KCNIP1: variants seen among roughly 807,000 people sequenced by gnomAD.
KCNIP1 encodes A-type potassium channel modulatory protein KCNIP1.
KCNIP1 carries 18 observed loss-of-function variants against 33.0 expected under a neutral mutation model. The ratio of observed to expected loss-of-function variants is 0.55; its 90% confidence interval spans 0.38 to 0.81. The LOEUF (loss-of-function observed/expected upper bound fraction) is 0.81, where lower values mean the gene tolerates loss of function less well. Among genes scored for constraint, KCNIP1 ranks in the 30% least tolerant of loss-of-function variants. The pLI, the probability that KCNIP1 is intolerant of heterozygous loss-of-function variation, is 0.00. For missense variants in KCNIP1, 238 were observed against 271.6 expected, an observed-to-expected ratio of 0.88 and a Z score of 0.87; for synonymous variants, 93 against 98.3, an observed-to-expected ratio of 0.95 and a Z score of 0.32.
intron 1 of KCNIP1, among the ~76,000 whole-genome samples, chr5:170,603,411 C>T (rs139282542): frequency 1.5e-3 from 227 of 152,320 alleles, no homozygotes; most frequent in African/African-American, 5.2e-3. Flanking sequence ...TTTCCATTAA[C>T]GGATTTACTG....
chr5:170,403,320 C>G (rs1318310580), intron 1 of KCNIP1, among the ~76,000 whole-genome samples: 1 of 152,196 alleles, frequency 6.6e-6, no homozygotes, highest in East Asian at 1.9e-4. Flanking sequence ...AGGAAAGATT[C>G]AAGAGCAGAG....
At chr5:170,368,248 T>TTTTGTTTGTTTGTTTG (rs59715597) in intron 1 of KCNIP1, among the ~76,000 whole-genome samples, 1 of 151,442 alleles carries the variant, frequency 6.6e-6, no homozygotes, top group Non-Finnish European at 1.5e-5. Flanking sequence ...TTTTTAAAGT[T>TTTTGTTTGTTTGTTTG]TTTGTTTGTT....
intron 1 of KCNIP1, among the ~76,000 whole-genome samples, chr5:170,444,648 A>G (rs1389481543): frequency 6.6e-6 from 1 of 151,858 alleles, no homozygotes; most frequent in African/African-American, 2.4e-5. Context: ...TAATTTGTTG[A>G]ATTCTGAATA....
chr5:170,698,828 C>A (rs948437940), intron 1 of KCNIP1, among the ~76,000 whole-genome samples: 1 of 152,186 alleles, frequency 6.6e-6, no homozygotes, highest in African/African-American at 2.4e-5. Flanking sequence ...TTAAATCTGA[C>A]AAGAGCCTTG....
At chr5:170,383,439 C>T in intron 1 of KCNIP1, 1 of 611,226 alleles carries the variant, frequency 1.6e-6, no homozygotes, top group Admixed American at 2.7e-5. Context: ...AGGGTGGAAA[C>T]TGAGGAGGTG....
At chr5:170,512,118 T>C (rs1470282436) in intron 1 of KCNIP1, among the ~76,000 whole-genome samples, 1 of 152,224 alleles carries the variant, frequency 6.6e-6, no homozygotes, top group Non-Finnish European at 1.5e-5. Flanking sequence ...AATTCATTAA[T>C]AGGATTAAAC....
chr5:170,508,151 T>A (rs939929764), intron 1 of KCNIP1, among the ~76,000 whole-genome samples: 1 of 152,088 alleles, frequency 6.6e-6, no homozygotes, highest in East Asian at 1.9e-4. Context: ...AAGCAAATAA[T>A]CCCACACTAC....
intron 1 of KCNIP1, among the ~76,000 whole-genome samples, chr5:170,510,680 C>A (rs529671955): frequency 6.6e-6 from 1 of 152,184 alleles, no homozygotes; most frequent in Non-Finnish European, 1.5e-5. Flanking sequence ...GCTAGCTTCC[C>A]GTACCCCAGC....
chr5:170,609,970 T>G (rs566593984), intron 1 of KCNIP1, among the ~76,000 whole-genome samples: 1 of 152,298 alleles, frequency 6.6e-6, no homozygotes, highest in Admixed American at 6.5e-5. Flanking sequence ...AAAGCTAGAA[T>G]GGAAAATGCA....
chr5:170,723,145 C>T (rs1211171302), intron 5 of KCNIP1, among the ~76,000 whole-genome samples: 1 of 152,036 alleles, frequency 6.6e-6, no homozygotes, highest in African/African-American at 2.4e-5. Context: ...AGGTTAGGAG[C>T]CACAAGTCAA....
At chr5:170,686,931 G>A (rs182821445) in intron 1 of KCNIP1, among the ~76,000 whole-genome samples, 1 of 152,062 alleles carries the variant, frequency 6.6e-6, no homozygotes, top group East Asian at 1.9e-4. Context: ...CACTTTTTGT[G>A]CCCTTCCTCT....
At chr5:170,544,633 T>C (rs1168910873) in intron 1 of KCNIP1, among the ~76,000 whole-genome samples, 3 of 152,162 alleles carry the variant, frequency 2.0e-5, no homozygotes, top group African/African-American at 4.8e-5. Flanking sequence ...TCTTCATTCC[T>C]GTCTTTTCAA....
chr5:170,535,611 C>G (rs762086122), intron 1 of KCNIP1, among the ~76,000 whole-genome samples: 2 of 152,152 alleles, frequency 1.3e-5, no homozygotes, highest in African/African-American at 2.4e-5. Context: ...AGTTGTTCCC[C>G]TTCAGGAATC....
chr5:170,370,689 C>G (rs1015946648), intron 1 of KCNIP1, among the ~76,000 whole-genome samples: 1 of 152,192 alleles, frequency 6.6e-6, no homozygotes, highest in South Asian at 2.1e-4. Flanking sequence ...TCCCATCTGT[C>G]CCTCAAGGAG....
intron 1 of KCNIP1, among the ~76,000 whole-genome samples, chr5:170,655,179 C>A (rs1761209040): frequency 6.6e-6 from 1 of 152,188 alleles, no homozygotes; most frequent in Non-Finnish European, 1.5e-5. Flanking sequence ...ATACATCCAA[C>A]AAAACTAATA....
At chr5:170,713,581 C>T (rs1763532536) in intron 1 of KCNIP1, among the ~76,000 whole-genome samples, 1 of 152,180 alleles carries the variant, frequency 6.6e-6, no homozygotes, top group Non-Finnish European at 1.5e-5. Flanking sequence ...TTTTCCAAGA[C>T]AAATCAGACA....
At chr5:170,631,874 T>A (rs1227412924) in intron 1 of KCNIP1, among the ~76,000 whole-genome samples, 1 of 152,226 alleles carries the variant, frequency 6.6e-6, no homozygotes, top group Non-Finnish European at 1.5e-5. Flanking sequence ...GTATGTGCAC[T>A]GGCACATACT....
At chr5:170,485,335 G>A (rs574415955) in intron 1 of KCNIP1, among the ~76,000 whole-genome samples, 2 of 152,318 alleles carry the variant, frequency 1.3e-5, no homozygotes, top group Non-Finnish European at 2.9e-5. Context: ...CCCTCAGCTG[G>A]ATTTCTTAAG....
At chr5:170,425,732 G>A (rs1347166458) in intron 1 of KCNIP1, among the ~76,000 whole-genome samples, 1 of 152,186 alleles carries the variant, frequency 6.6e-6, no homozygotes, top group Non-Finnish European at 1.5e-5. Flanking sequence ...CCATGAAGAA[G>A]ACCACCAGAC....
Sources: gnomAD v4.1 joint callset for allele counts (sites outside exome capture counted in the v4.1 genomes callset) on GRCh38, gnomAD v4.1.1 for gene constraint, MANE v1.5 for transcripts, NCBI Gene and HGNC (gene_info 2026-07-23, HGNC 2026-07-21) for gene names.